The following TULP3 variants were observed in gnomAD, a reference collection of about 807,000 sequenced individuals.
TULP3 encodes the protein TUB like protein 3, also known as tubby-related protein 3.
In TULP3, 38 loss-of-function variants were observed where a neutral mutation model predicts 50.7. The observed-to-expected ratio is 0.75, with a 90% CI of 0.58 to 0.98. The LOEUF (loss-of-function observed/expected upper bound fraction) is 0.98, where lower values mean the gene tolerates loss of function less well. TULP3 is among the 50% of genes least tolerant of loss of function. TULP3 has a pLI of 0.00. For synonymous variants in TULP3, 183 were observed against 196.6 expected (o/e 0.93, Z 0.58); for missense variants, 550 against 568.0 (o/e 0.97, Z 0.32).
At chr12:2,925,099 C>T (rs1005417083) in intron 4 of TULP3, among the ~76,000 whole-genome samples, 8 of 150,562 alleles carry the variant, frequency 5.3e-5, no homozygotes, top group Non-Finnish European at 7.4e-5. Flanking sequence ...ACCCGGGAGG[C>T]GGAGCTTGCA....
At chr12:2,910,161 CG>C (rs2098184645) in intron 2 of TULP3, among the ~76,000 whole-genome samples, 1 of 152,040 alleles carries the variant, frequency 6.6e-6, no homozygotes, top group African/African-American at 2.4e-5. Context: ...GGCATGGTGG[CG>C]GGCACCTCTA....
chr12:2,900,081 C>T (rs536296955), intron 1 of TULP3, among the ~76,000 whole-genome samples: 1 of 151,706 alleles, frequency 6.6e-6, no homozygotes, highest in South Asian at 2.1e-4. Context: ...AAAAATTAAC[C>T]AGGCGTGGTC....
Position 2,911,664 on chromosome 12 carries a change from C to CTTTTTTTTTTTT in TULP3, c.93+2116_93+2127dup, listed in dbSNP as rs56027951. 1.2e-3 allele frequency among the ~76,000 whole-genome samples: 46 copies of CTTTTTTTTTTTT among 38,166 alleles called. 5 individuals carry two copies. Among genetic ancestry groups the CTTTTTTTTTTTT allele is most frequent in the Non-Finnish European group, 1.6e-3 (32 of 19,590 alleles). The allele number at this position is 38,166 out of a possible 152,430, so 25.0% of individuals were successfully genotyped here. A position where few individuals can be genotyped will look rare whatever the true frequency, so the allele number is the denominator to read the frequency against. ...ACAGGCGTGAGCCACTGCGCCCAGC[C>CTTTTTTTTTTTT]TTTTTTTTTTTTTTTTTTTTTTTTT... On this transcript the variant is annotated intron_variant, in intron 2 of 10. Coordinates refer to ENST00000448120, the MANE Select transcript of TULP3 (RefSeq NM_003324.5).
intron 8 of TULP3, among the ~76,000 whole-genome samples, chr12:2,935,687 G>A (rs1333520780): frequency 6.6e-6 from 1 of 151,978 alleles, no homozygotes; most frequent in African/African-American, 2.4e-5. Context: ...AATCTGCTTG[G>A]CTTGGCTGGG....
intron 4 of TULP3, among the ~76,000 whole-genome samples, chr12:2,929,058 T>G (rs2098196263): frequency 6.6e-6 from 1 of 152,148 alleles, no homozygotes; most frequent in Non-Finnish European, 1.5e-5. Flanking sequence ...AGTACACTTT[T>G]TTTTTTTTTA....
intron 2 of TULP3, among the ~76,000 whole-genome samples, chr12:2,917,814 T>C (rs943464532): frequency 1.3e-5 from 2 of 151,688 alleles, no homozygotes; most frequent in African/African-American, 2.4e-5. Context: ...GAGGCGGAGC[T>C]TGCAGTGAGC....
intron 1 of TULP3, among the ~76,000 whole-genome samples, chr12:2,898,671 TG>T (rs1294914109): frequency 6.6e-6 from 1 of 152,188 alleles, no homozygotes; most frequent in Non-Finnish European, 1.5e-5. Flanking sequence ...CATTACTTCC[TG>T]CACAGTGATA....
chr12:2,920,973 C>G, intron 3 of TULP3, 51 bp downstream of exon 3: 1 of 1,604,148 alleles, frequency 6.2e-7, no homozygotes, highest in African/African-American at 1.3e-5. Context: ...TTTCACAAAC[C>G]TAGAAGGCAC....
At chr12:2,923,307 C>T (rs913819773) in intron 4 of TULP3, among the ~76,000 whole-genome samples, 3 of 152,106 alleles carry the variant, frequency 2.0e-5, no homozygotes, top group Non-Finnish European at 4.4e-5. Flanking sequence ...GATTCTACCA[C>T]GGAATGGCAT....
chr12:2,894,538 AACACACACACACACAC>A (rs56834874), intron 1 of TULP3, among the ~76,000 whole-genome samples: 3 of 147,724 alleles, frequency 2.0e-5, no homozygotes, highest in African/African-American at 5.0e-5. Flanking sequence ...CCGTCTCAAA[AACACACACACACACAC>A]ACACACACAC....
At chr12:2,908,519 C>T (rs995130099) in intron 1 of TULP3, among the ~76,000 whole-genome samples, 7 of 151,984 alleles carry the variant, frequency 4.6e-5, no homozygotes, top group African/African-American at 7.3e-5. Context: ...TCCACCTCCC[C>T]GGTTCAAGCG....
At chr12:2,900,256 T>G (rs1182019610) in intron 1 of TULP3, among the ~76,000 whole-genome samples, 2 of 152,118 alleles carry the variant, frequency 1.3e-5, no homozygotes, top group African/African-American at 4.8e-5. Flanking sequence ...ATTCTAAAGA[T>G]ACGTTGTTCT....
intron 2 of TULP3, among the ~76,000 whole-genome samples, chr12:2,911,916 G>A (rs2098185905): frequency 6.6e-6 from 1 of 151,444 alleles, no homozygotes; most frequent in South Asian, 2.1e-4. Context: ...TTGACCTCAA[G>A]TGTTTTAGTT....
At chr12:2,919,026 G>A (rs2098190267) in intron 2 of TULP3, among the ~76,000 whole-genome samples, 1 of 152,094 alleles carries the variant, frequency 6.6e-6, no homozygotes. Flanking sequence ...CTGAGTAGCT[G>A]GGATTACAGG....
At chr12:2,892,455 TTG>T (rs1234800612) in intron 1 of TULP3, among the ~76,000 whole-genome samples, 5 of 151,790 alleles carry the variant, frequency 3.3e-5, no homozygotes, top group Non-Finnish European at 5.9e-5. Context: ...CTCAGATTTT[TTG>T]GGGAAAAAAA....
chr12:2,895,055 C>T, intron 1 of TULP3, among the ~76,000 whole-genome samples: 1 of 152,180 alleles, frequency 6.6e-6, no homozygotes, highest in East Asian at 1.9e-4. Context: ...TAAATGCATT[C>T]TTTTAACTTC....
Position 2,933,522 on chromosome 12 carries a change from C to T in TULP3, c.801C>T (p.Gly267=), listed in dbSNP as rs1444290378. The T allele has an allele frequency of 6.2e-7, 1 of 1,610,978 alleles. No individual in the cohort carries two copies. The highest frequency in any genetic ancestry group is 8.5e-7 in the Non-Finnish European group (1 of 1,177,392). The change falls in exon 7 of 11, where the codon GGC becomes GGT. Residue 267 remains glycine, a synonymous_variant. Coordinates refer to ENST00000448120, the MANE Select transcript of TULP3 (RefSeq NM_003324.5). ...CTCGTGAAGGAGAAAGTTATGTCGG[C>T]AAGCTTAGGTGAAAGCAACCTTAGA... ...DLSREGESYV[G]KLRSNLMGTK...
At position 2,918,300 on chromosome 12, in the gene TULP3, C is replaced by T. The variant is rs927183678; in HGVS notation, c.94-2463C>T. Among the ~76,000 whole-genome samples, 11 of 151,318 alleles carry T rather than the reference C, an allele frequency of 7.3e-5. No individual in the cohort carries two copies. In the East Asian group the frequency reaches 8.1e-4, roughly 11 times the overall value. On this transcript the variant is annotated intron_variant, in intron 2 of 10. Coordinates refer to ENST00000448120, the MANE Select transcript of TULP3 (RefSeq NM_003324.5). ...GGCTAATTTTATTTTTTAATAGAGA[C>T]GGGGTTTCACCATGTTGGCCCGGCT...
At chr12:2,893,074 C>T (rs2098173163) in intron 1 of TULP3, among the ~76,000 whole-genome samples, 2 of 151,556 alleles carry the variant, frequency 1.3e-5, no homozygotes, top group Admixed American at 6.6e-5. Context: ...TCATGTTGCT[C>T]AGGCTGGTGT....
Sources: gnomAD v4.1 joint callset for allele counts (sites outside exome capture counted in the v4.1 genomes callset) on GRCh38, gnomAD v4.1.1 for gene constraint, MANE v1.5 for transcripts, NCBI Gene and HGNC (gene_info 2026-07-23, HGNC 2026-07-21) for gene names.